ADAMTS19: variants seen among roughly 807,000 people sequenced by gnomAD.
ADAMTS19 encodes the protein ADAM metallopeptidase with thrombospondin type 1 motif 19, also known as A disintegrin and metalloproteinase with thrombospondin motifs 19.
Under a neutral mutation model 153.3 loss-of-function variants are expected in ADAMTS19, and 93 were observed. The observed-to-expected ratio is 0.61, with a 90% CI of 0.51 to 0.72. The LOEUF (loss-of-function observed/expected upper bound fraction) is 0.72, where lower values mean the gene tolerates loss of function less well. Ranked by LOEUF, ADAMTS19 falls within the 30% of genes least tolerant of loss-of-function variation. The probability of loss-of-function intolerance (pLI) is 0.00; values close to 1 mark genes in which losing one functional copy is unlikely to be tolerated. For missense variants in ADAMTS19, 1,482 were observed against 1,552.1 expected (o/e 0.95, Z 0.76); for synonymous variants, 600 against 556.6 (o/e 1.08, Z -1.10).
intron 6 of ADAMTS19, among the ~76,000 whole-genome samples, chr5:129,548,300 A>G (rs1488197035): frequency 1.4e-5 from 2 of 148,116 alleles, no homozygotes; most frequent in Non-Finnish European, 3.0e-5. Context: ...AATATCCAGA[A>G]TCTACAATGA....
At chr5:129,506,808 A>G (rs1182457693) in intron 2 of ADAMTS19, among the ~76,000 whole-genome samples, 1 of 151,908 alleles carries the variant, frequency 6.6e-6, no homozygotes, top group Non-Finnish European at 1.5e-5. Flanking sequence ...TTGACTAGTT[A>G]CCCATTATCA....
At chr5:129,517,888 C>T (rs1751666067) in intron 3 of ADAMTS19, among the ~76,000 whole-genome samples, 1 of 151,588 alleles carries the variant, frequency 6.6e-6, no homozygotes, top group African/African-American at 2.4e-5. Context: ...TCCTGTATTC[C>T]TCTAGCAAAG....
At chr5:129,700,699 A>G (rs1045007626) in intron 19 of ADAMTS19, among the ~76,000 whole-genome samples, 4 of 152,142 alleles carry the variant, frequency 2.6e-5, no homozygotes, top group Admixed American at 2.6e-4. Flanking sequence ...AATAAGAATA[A>G]CTCCTGGATA....
At chr5:129,624,367 T>C (rs1413094888) in intron 10 of ADAMTS19, among the ~76,000 whole-genome samples, 2 of 152,118 alleles carry the variant, frequency 1.3e-5, no homozygotes. Context: ...CTTTAGACAA[T>C]CAAAAGTCTG....
intron 2 of ADAMTS19, among the ~76,000 whole-genome samples, chr5:129,489,605 A>C (rs1243981595): frequency 6.6e-6 from 1 of 152,182 alleles, no homozygotes; most frequent in Non-Finnish European, 1.5e-5. Flanking sequence ...ACAATTTTTT[A>C]AAATGTTCAT....
intron 10 of ADAMTS19, among the ~76,000 whole-genome samples, chr5:129,629,856 G>A (rs948100106): frequency 2.0e-5 from 3 of 151,994 alleles, no homozygotes; most frequent in Non-Finnish European, 4.4e-5. Flanking sequence ...ACTTAGACTG[G>A]CTAAAAATAC....
intron 13 of ADAMTS19, among the ~76,000 whole-genome samples, chr5:129,652,760 A>G (rs1581189349): frequency 6.6e-6 from 1 of 152,204 alleles, no homozygotes; most frequent in Admixed American, 6.5e-5. Context: ...ACTCCTTTCA[A>G]TATTATTTAT....
In ADAMTS19 at chr5:129,461,159, G is replaced by T; in HGVS notation, c.149G>T (p.Arg50Leu). The change falls in exon 2 of 23, where the codon CGC becomes CTC. Residue 50 changes from arginine (R) to leucine (L), a missense_variant. This residue lies in a region of ADAMTS19 where 866 missense variants were observed against 827.7 expected (regional missense o/e 1.05). Transcript: ENST00000274487. The surrounding 1 kb of genome is among the most constrained non-coding windows in gnomAD (Gnocchi z 4.6). ...GAAGTCGTGTTTCCTGCGCTCTGGC[G>T]CCGGGAGCCGGTGGACCCGGCTGGC... is the stretch of plus-strand genomic sequence containing the variant. The part of the protein sequence containing the change: ...EWEVVFPALW[R>L]REPVDPAGGS... The T allele has an allele frequency of 1.4e-6, 2 of 1,398,198 alleles. No individual in the cohort carries two copies. Among genetic ancestry groups the T allele is most frequent in the South Asian group, 1.6e-5 (1 of 62,322 alleles). The allele number at this position is 1,398,198 out of a possible 1,614,324, so 86.6% of individuals were successfully genotyped here.
chr5:129,670,478 G>A (rs1754253450), intron 16 of ADAMTS19, among the ~76,000 whole-genome samples: 1 of 152,056 alleles, frequency 6.6e-6, no homozygotes, highest in Non-Finnish European at 1.5e-5. Context: ...TAGAGTAACA[G>A]AAACTTTAAG....
chr5:129,613,866 C>T (rs1751362166), intron 8 of ADAMTS19, among the ~76,000 whole-genome samples: 1 of 152,068 alleles, frequency 6.6e-6, no homozygotes, highest in Non-Finnish European at 1.5e-5. Context: ...CACCATCGAT[C>T]CCACAGAAAT....
intron 7 of ADAMTS19, among the ~76,000 whole-genome samples, chr5:129,564,427 T>C (rs1753633893): frequency 6.6e-6 from 1 of 152,164 alleles, no homozygotes; most frequent in Non-Finnish European, 1.5e-5. Flanking sequence ...GGGGCTTTTA[T>C]ATGGGAAGAA....
intron 2 of ADAMTS19, among the ~76,000 whole-genome samples, chr5:129,480,474 G>A (rs993029999): frequency 1.1e-4 from 16 of 152,060 alleles, no homozygotes; most frequent in Non-Finnish European, 1.2e-4. Context: ...CAAAAAGTGG[G>A]AGAAAATATT....
intron 2 of ADAMTS19, among the ~76,000 whole-genome samples, chr5:129,503,908 C>G (rs1162458400): frequency 6.6e-6 from 1 of 152,108 alleles, no homozygotes; most frequent in Non-Finnish European, 1.5e-5. Flanking sequence ...CAAGCATATA[C>G]TGATTCTAAA....
chr5:129,661,780 A>G (rs895918625), intron 15 of ADAMTS19, among the ~76,000 whole-genome samples: 2 of 152,380 alleles, frequency 1.3e-5, no homozygotes, highest in Non-Finnish European at 2.9e-5. Context: ...TACTAAGAAG[A>G]AAATGGGCAT....
At chr5:129,480,306 T>A (rs1429771903) in intron 2 of ADAMTS19, among the ~76,000 whole-genome samples, 1 of 152,126 alleles carries the variant, frequency 6.6e-6, no homozygotes, top group Non-Finnish European at 1.5e-5. Flanking sequence ...AAACTATAAA[T>A]CATTAGAAGA....
intron 2 of ADAMTS19, among the ~76,000 whole-genome samples, chr5:129,476,843 T>G (rs1322568454): frequency 2.0e-5 from 3 of 152,148 alleles, no homozygotes; most frequent in Non-Finnish European, 4.4e-5. Flanking sequence ...AGCTCTTACA[T>G]AGAGGTGTGT....
Position 129,738,652 on chromosome 5 carries a change from G to C in ADAMTS19, c.*1434G>C, listed in dbSNP as rs1384195599. 6.6e-6 allele frequency: 1 copy of C among 151,956 alleles called. No individual in the cohort carries two copies. The highest frequency in any genetic ancestry group is 2.4e-5 in the African/African-American group (1 of 41,398). 9.4% of individuals were successfully genotyped at this position (151,956 alleles called of 1,614,324 possible). The stretch of plus-strand genomic sequence containing the variant: ...AGCTGATTCCCTGGCTACTACTATC[G>C]CTGTGAGTAATAAAGTCCTTTGTGT... On this transcript the variant is annotated 3_prime_UTR_variant, in exon 23 of 23. Transcript: ENST00000274487.
At chr5:129,659,829 C>T (rs568186503) in intron 15 of ADAMTS19, among the ~76,000 whole-genome samples, 2 of 152,204 alleles carry the variant, frequency 1.3e-5, no homozygotes, top group East Asian at 1.9e-4. Flanking sequence ...CTCAAGCAGT[C>T]CTCCCATCTT....
chr5:129,632,524 G>C (rs1752348180), intron 10 of ADAMTS19, among the ~76,000 whole-genome samples: 1 of 151,836 alleles, frequency 6.6e-6, no homozygotes, highest in Admixed American at 6.6e-5. Flanking sequence ...ATGACTTCCT[G>C]AAGATAGGAG....
Sources: gnomAD v4.1 joint callset for allele counts (sites outside exome capture counted in the v4.1 genomes callset) on GRCh38, gnomAD v4.1.1 for gene constraint, gnomAD v4.1.1 regional missense constraint, Gnocchi (gnomAD v3.1) non-coding constraint, MANE v1.5 for transcripts, NCBI Gene and HGNC (gene_info 2026-07-23, HGNC 2026-07-21) for gene names.